The following XRN1 variants were observed in gnomAD, a reference collection of about 807,000 sequenced individuals.
The protein encoded by XRN1 is 5'-3' exoribonuclease 1, also known as strand-exchange protein 1 homolog.
A neutral mutation model predicts 222.3 loss-of-function variants in XRN1; 67 were observed. The observed-to-expected ratio is 0.30, with a 90% confidence interval of 0.25 to 0.37. The LOEUF is 0.37. Ranked by LOEUF, XRN1 falls within the 10% of genes least tolerant of loss-of-function variation. The pLI is 1.00. For missense variants in XRN1, 1,707 were observed against 2,000.2 expected (o/e 0.85, Z 2.80); for synonymous variants, 643 against 652.4 (o/e 0.99, Z 0.22).
chr3:142,432,719 C>A lies in XRN1; in HGVS notation c.250G>T (p.Ala84Ser). The part of the protein sequence containing the change: ...IIKPRKVFFM[A>S]VDGVAPRAKM... Reference sequence around the variant, plus strand: ...GCTCGAGGAGCCACACCATCTACAGCCATAAAGAACACTTTCCTGGGTTTA... The same window carrying A: ...GCTCGAGGAGCCACACCATCTACAGACATAAAGAACACTTTCCTGGGTTTA... The change falls in exon 2 of 41, where the codon GCT becomes TCT. Residue 84 changes from alanine to serine, a missense_variant. Physicochemically the swap from Ala to Ser is moderately conservative, Grantham distance 99 (BLOSUM62 1). Around this residue, in one of 2 missense-constraint regions of XRN1, gnomAD observed 1,234 missense variants for 1,518.2 expected, o/e 0.81. Coordinates refer to ENST00000392981, the MANE Select transcript of XRN1 (RefSeq NM_001282857.2). 6.2e-7 allele frequency: 1 copy of A among 1,613,042 alleles called. No individual in the cohort carries two copies. Among genetic ancestry groups the A allele is most frequent in the Non-Finnish European group, 8.5e-7 (1 of 1,179,552 alleles).
chr3:142,328,662 A>G (rs1370298739), intron 37 of XRN1, among the ~76,000 whole-genome samples: 1 of 132,264 alleles, frequency 7.6e-6, no homozygotes, highest in African/African-American at 2.7e-5. Context: ...GTTATTTTTA[A>G]TAAACAATGG....
intron 34 of XRN1, 134 bp from the exon 35 acceptor site, chr3:142,333,223 G>A: frequency 9.6e-7 from 1 of 1,044,876 alleles, no homozygotes; most frequent in Non-Finnish European, 1.3e-6. Flanking sequence ...TTTGGGAAGA[G>A]AATTGGAATA....
At chr3:142,411,559 T>C (rs1234546910) in intron 15 of XRN1, among the ~76,000 whole-genome samples, 1 of 152,000 alleles carries the variant, frequency 6.6e-6, no homozygotes, top group East Asian at 1.9e-4. Context: ...AATCCTACCG[T>C]CTTGGCCTCC....
At chr3:142,407,355 G>T (rs971688549) in intron 15 of XRN1, among the ~76,000 whole-genome samples, 3 of 152,100 alleles carry the variant, frequency 2.0e-5, no homozygotes, top group Admixed American at 6.5e-5. Flanking sequence ...TTATTTGATG[G>T]AGTATCACTC....
intron 37 of XRN1, among the ~76,000 whole-genome samples, chr3:142,320,023 G>A (rs2065310795): frequency 6.6e-6 from 1 of 152,110 alleles, no homozygotes; most frequent in South Asian, 2.1e-4. Flanking sequence ...TGTGAATAGT[G>A]CTGTGATAAA....
intron 20 of XRN1, among the ~76,000 whole-genome samples, chr3:142,394,644 T>TA (rs2067862340): frequency 6.6e-6 from 1 of 152,240 alleles, no homozygotes; most frequent in African/African-American, 2.4e-5. Context: ...CCCATACTGT[T>TA]AAAACAGAGG....
Position 142,416,906 on chromosome 3 carries a change from C to T in XRN1, c.1436+234G>A, listed in dbSNP as rs564495690. Among the ~76,000 whole-genome samples, 27 of 151,482 alleles carry T rather than the reference C, an allele frequency of 1.8e-4. No homozygotes were observed. In the South Asian group the frequency reaches 3.8e-3, roughly 21 times the overall value. On this transcript the variant is annotated intron_variant, in intron 13 of 40. Coordinates refer to ENST00000392981, the MANE Select transcript of XRN1 (RefSeq NM_001282857.2). ...AATTAGCTGGCCGTGGTGGCGCATG[C>T]CTGTAATCCCAGCTACTCAGGGGGT...
chr3:142,335,852 G>T (rs1322289072), intron 33 of XRN1, among the ~76,000 whole-genome samples: 9 of 152,114 alleles, frequency 5.9e-5, no homozygotes, highest in Admixed American at 5.9e-4. Flanking sequence ...GAGCTTGAGA[G>T]AACTAAAAAA....
intron 15 of XRN1, among the ~76,000 whole-genome samples, chr3:142,408,626 T>C (rs1464836198): frequency 6.6e-6 from 1 of 152,226 alleles, no homozygotes. Context: ...TGACTGGTAT[T>C]GGGCGGTTTC....
intron 36 of XRN1, among the ~76,000 whole-genome samples, chr3:142,331,650 C>T (rs2065698730): frequency 6.6e-6 from 1 of 152,028 alleles, no homozygotes; most frequent in Admixed American, 6.6e-5. Context: ...AGGACAAAAG[C>T]TAGAATGTGC....
At chr3:142,415,171 GT>G in intron 13 of XRN1, among the ~76,000 whole-genome samples, 1 of 152,274 alleles carries the variant, frequency 6.6e-6, no homozygotes, top group South Asian at 2.1e-4. Flanking sequence ...TACACTAATT[GT>G]TTTTGTTTTT....
At chr3:142,359,103 T>C (rs2066545307) in intron 30 of XRN1, among the ~76,000 whole-genome samples, 1 of 152,210 alleles carries the variant, frequency 6.6e-6, no homozygotes. Flanking sequence ...GTTTACACCA[T>C]GGTGCCTCTC....
At chr3:142,376,673 G>A in intron 23 of XRN1, 79 bp from the exon 24 acceptor site, 1 of 1,044,142 alleles carries the variant, frequency 9.6e-7, no homozygotes, top group East Asian at 2.7e-5. Flanking sequence ...TTTAAAATCT[G>A]GAGATAATCA....
In XRN1 at chr3:142,447,221, C is replaced by G. The variant is rs2070544074; in HGVS notation, c.75+649G>C. ...TCGTTTCCCAACCCCCTCTGTCACA[C>G]AGTGAGGCCTCCAAATAAAAGGTCC... On this transcript the variant is annotated intron_variant, in intron 1 of 40. Transcript: ENST00000392981. The surrounding 1 kb of genome is among the most constrained non-coding windows in gnomAD (Gnocchi z 4.2). Among the ~76,000 whole-genome samples, 1 of 152,174 alleles carries G rather than the reference C, an allele frequency of 6.6e-6. No homozygotes were observed. The highest frequency in any genetic ancestry group is 1.5e-5 in the Non-Finnish European group (1 of 68,042).
intron 23 of XRN1, 129 bp from the exon 24 acceptor site, chr3:142,376,723 T>C: frequency 1.5e-6 from 1 of 677,938 alleles, no homozygotes; most frequent in Non-Finnish European, 2.4e-6. Flanking sequence ...TATAAGGATT[T>C]TCACTTAGAT....
At chr3:142,402,598 A>G (rs1393058755) in intron 18 of XRN1, among the ~76,000 whole-genome samples, 1 of 152,216 alleles carries the variant, frequency 6.6e-6, no homozygotes, top group South Asian at 2.1e-4. Context: ...TGCACAGAAG[A>G]TAAGTTAATT....
Position 142,447,803 on chromosome 3 carries a change from T to C in XRN1, c.75+67A>G. On this transcript the variant is annotated intron_variant, in intron 1 of 40. Coordinates refer to ENST00000392981, the MANE Select transcript of XRN1 (RefSeq NM_001282857.2). The surrounding 1 kb of genome is among the most constrained non-coding windows in gnomAD (Gnocchi z 4.2). Reference sequence around the variant, plus strand: ...AGAGGTGGCTCGAAAGCCCCAGCTCTAAGGTGGAGAGGGCCGCGGAGCCCC... The same window carrying C: ...AGAGGTGGCTCGAAAGCCCCAGCTCCAAGGTGGAGAGGGCCGCGGAGCCCC... The C allele has an allele frequency of 6.3e-7, 1 of 1,575,096 alleles. No homozygotes were observed. The highest frequency in any genetic ancestry group is 1.1e-5 in the South Asian group (1 of 90,004).
intron 21 of XRN1, 75 bp from the exon 22 acceptor site, chr3:142,383,488 T>C: frequency 8.2e-7 from 1 of 1,225,270 alleles, no homozygotes; most frequent in Non-Finnish European, 1.2e-6. Flanking sequence ...CCTATGGGAT[T>C]ATGACTATGC....
intron 15 of XRN1, among the ~76,000 whole-genome samples, chr3:142,410,485 A>ATTT (rs1358421789): frequency 4.3e-5 from 4 of 93,462 alleles, no homozygotes; most frequent in African/African-American, 1.5e-4. Flanking sequence ...ATTCTATCTC[A>ATTT]TGTTTTTTTT....
Sources: allele counts gnomAD v4.1 joint callset (sites outside exome capture counted in the v4.1 genomes callset), GRCh38; gene constraint gnomAD v4.1.1; regional missense constraint gnomAD v4.1.1; non-coding constraint Gnocchi (gnomAD v3.1); transcripts MANE v1.5; gene names NCBI Gene and HGNC (gene_info 2026-07-23, HGNC 2026-07-21).